NEDD9: variants seen among roughly 807,000 people sequenced by gnomAD.
NEDD9 encodes enhancer of filamentation 1.
In NEDD9, 26 loss-of-function variants were observed where a neutral mutation model predicts 76.6. The ratio of observed to expected loss-of-function variants is 0.34; its 90% CI spans 0.25 to 0.47. The LOEUF (loss-of-function observed/expected upper bound fraction) is 0.47, where lower values mean the gene tolerates loss of function less well. Ranked by LOEUF, NEDD9 falls within the 20% of genes least tolerant of loss-of-function variation. The pLI, the probability that NEDD9 is intolerant of heterozygous loss-of-function variation, is 1.00. For missense variants in NEDD9, 937 were observed against 1,058.5 expected (o/e 0.89, Z 1.59); for synonymous variants, 392 against 414.2 (o/e 0.95, Z 0.65).
At chr6:11,307,052 G>A (rs145774302) in intron 2 of NEDD9, among the ~76,000 whole-genome samples, 2 of 152,296 alleles carry the variant, frequency 1.3e-5, no homozygotes, top group African/African-American at 4.8e-5. Context: ...TTGAGAATTG[G>A]TAATGTGAAT....
At chr6:11,234,028 A>G (rs1458661187), upstream of NEDD9, among the ~76,000 whole-genome samples, 4 of 152,212 alleles carry the variant, frequency 2.6e-5, no homozygotes, top group African/African-American at 9.7e-5. Flanking sequence ...GTTTCCAGAT[A>G]CAGGGTTGGC....
At position 11,192,932 on chromosome 6, in the gene NEDD9, C is replaced by CAAA. The variant is rs71550759; in HGVS notation, c.562-489_562-487dup. Among the ~76,000 whole-genome samples, 223 of 28,148 alleles carry CAAA rather than the reference C, an allele frequency of 7.9e-3. 43 individuals carry two copies. Among genetic ancestry groups the CAAA allele is most frequent in the South Asian group, 0.01 (5 of 484 alleles). 18.5% of individuals were successfully genotyped at this position (28,148 alleles called of 152,430 possible). A position where few individuals can be genotyped will look rare whatever the true frequency, so the allele number is the denominator to read the frequency against. On this transcript the variant is annotated intron_variant, in intron 3 of 6. Coordinates refer to ENST00000379446, the MANE Select transcript of NEDD9 (RefSeq NM_006403.4). ...CTGGTGACAGAACAAGACTCTGTCT[C>CAAA]AAAAAAAAAAAAAAAAAAAAAAAAA...
rs571485267 is a variant in NEDD9 at position 11,348,876 on chromosome 6, T to C, written c.-213-14315A>G. ...GGCTTAGGAACTGGCAAAGATTTCA[T>C]GACAAAGATGCCAAAAGCAATCTCA... is the stretch of plus-strand genomic sequence containing the variant. On this transcript the variant is annotated intron_variant, in intron 1 of 3. Coordinates refer to the NEDD9 transcript ENST00000397378. Among the ~76,000 whole-genome samples the C allele has an allele frequency of 2.0e-5, 3 of 152,314 alleles. No homozygotes were observed. The East Asian group carries it at 5.8e-4, about 29-fold the overall frequency.
chr6:11,267,201 C>T (rs766225059), intron 3 of NEDD9, among the ~76,000 whole-genome samples: 1 of 152,176 alleles, frequency 6.6e-6, no homozygotes, highest in Non-Finnish European at 1.5e-5. Context: ...TTCAGCCAGT[C>T]GTTTCTCTCT....
At chr6:11,349,586 A>C (rs1762425758) in intron 1 of NEDD9, among the ~76,000 whole-genome samples, 1 of 152,264 alleles carries the variant, frequency 6.6e-6, no homozygotes, top group Admixed American at 6.5e-5. Flanking sequence ...AACGCTATGC[A>C]GCCATATTAA....
At chr6:11,189,425 G>A (rs1319792809) in intron 5 of NEDD9, among the ~76,000 whole-genome samples, 1 of 152,192 alleles carries the variant, frequency 6.6e-6, no homozygotes, top group Non-Finnish European at 1.5e-5. Context: ...AGTCTGAGAT[G>A]GGGCTAAGTT....
chr6:11,275,748 T>C (rs1760403181), intron 3 of NEDD9, among the ~76,000 whole-genome samples: 1 of 152,208 alleles, frequency 6.6e-6, no homozygotes, highest in Non-Finnish European at 1.5e-5. Flanking sequence ...GGTTTACTTG[T>C]ATTAATGCTC....
intron 1 of NEDD9, among the ~76,000 whole-genome samples, chr6:11,351,720 A>C (rs1762473048): frequency 6.6e-6 from 1 of 152,206 alleles, no homozygotes; most frequent in African/African-American, 2.4e-5. Flanking sequence ...CTCTTCATCC[A>C]ATCGAGCATA....
chr6:11,377,289 G>C (rs1194243727), intron 1 of NEDD9, among the ~76,000 whole-genome samples: 1 of 152,230 alleles, frequency 6.6e-6, no homozygotes, highest in African/African-American at 2.4e-5. Flanking sequence ...AGATTCACTG[G>C]CAGCTTGCAC....
At chr6:11,200,758 G>A in intron 2 of NEDD9, 1 of 1,402,902 alleles carries the variant, frequency 7.1e-7, no homozygotes, top group Non-Finnish European at 9.2e-7. Context: ...ATGATCATCT[G>A]TAGAGTTCTT....
At chr6:11,202,395 A>G (rs1468660259) in intron 2 of NEDD9, among the ~76,000 whole-genome samples, 1 of 152,230 alleles carries the variant, frequency 6.6e-6, no homozygotes, top group African/African-American at 2.4e-5. Context: ...ACTTTATAAT[A>G]ACCTCTTTGT....
At chr6:11,347,120 A>G (rs924221525) in intron 1 of NEDD9, among the ~76,000 whole-genome samples, 4 of 152,118 alleles carry the variant, frequency 2.6e-5, no homozygotes, top group African/African-American at 7.2e-5. Flanking sequence ...CAAGCCCAAG[A>G]GGTGCAGGGT....
At chr6:11,319,572 ATATGCACTCACACTAACGCACACACTAAC>A (rs1761706327) in intron 2 of NEDD9, among the ~76,000 whole-genome samples, 1 of 147,986 alleles carries the variant, frequency 6.8e-6, no homozygotes, top group Non-Finnish European at 1.5e-5. Flanking sequence ...ACACACACTA[ATATGCACTCACACTAACGCACACACTAAC>A]CATGCACACT....
At chr6:11,339,642 C>T (rs1762236677) in intron 1 of NEDD9, among the ~76,000 whole-genome samples, 1 of 152,132 alleles carries the variant, frequency 6.6e-6, no homozygotes, top group African/African-American at 2.4e-5. Flanking sequence ...CATGTTATGC[C>T]AGATGAAATG....
At chr6:11,266,464 C>A (rs1168537276) in intron 3 of NEDD9, among the ~76,000 whole-genome samples, 1 of 152,106 alleles carries the variant, frequency 6.6e-6, no homozygotes, top group East Asian at 1.9e-4. Context: ...AACCCTGCCC[C>A]AAACTCTGGA....
At chr6:11,374,038 A>T (rs1471239346) in intron 1 of NEDD9, among the ~76,000 whole-genome samples, 3 of 151,618 alleles carry the variant, frequency 2.0e-5, no homozygotes, top group Non-Finnish European at 2.9e-5. Flanking sequence ...CAACTTCATA[A>T]AATAAATCTC....
chr6:11,282,287 A>G (rs1385914998), intron 3 of NEDD9, among the ~76,000 whole-genome samples: 5 of 152,172 alleles, frequency 3.3e-5, no homozygotes, highest in African/African-American at 1.2e-4. Context: ...ACATGTTACC[A>G]TGCTTTCCAG....
upstream of NEDD9, among the ~76,000 whole-genome samples, chr6:11,237,114 C>T (rs1759619428): frequency 6.6e-6 from 1 of 152,182 alleles, no homozygotes; most frequent in Non-Finnish European, 1.5e-5. This position sits in a 1 kb window ranked among gnomAD's most constrained non-coding sequence, Gnocchi z 4.9. Context: ...CCACCCTGCC[C>T]ACCTCGCCCT....
At chr6:11,266,087 T>C (rs1432479173) in intron 3 of NEDD9, among the ~76,000 whole-genome samples, 1 of 152,224 alleles carries the variant, frequency 6.6e-6, no homozygotes, top group Non-Finnish European at 1.5e-5. Flanking sequence ...ATGGGTACAA[T>C]GTATATTATT....
Sources: gnomAD v4.1 joint callset for allele counts (sites outside exome capture counted in the v4.1 genomes callset) on GRCh38, gnomAD v4.1.1 for gene constraint, Gnocchi (gnomAD v3.1) non-coding constraint, MANE v1.5 for transcripts, NCBI Gene and HGNC (gene_info 2026-07-23, HGNC 2026-07-21) for gene names.